The following INSR variants were observed in gnomAD, a reference collection of about 807,000 sequenced individuals.
INSR encodes IR.
In INSR, 67 loss-of-function variants were observed where a neutral mutation model predicts 142.6. The observed-to-expected ratio is 0.47, with a 90% CI of 0.39 to 0.58. The LOEUF (loss-of-function observed/expected upper bound fraction) is 0.58, where lower values mean the gene tolerates loss of function less well. Among genes scored for constraint, INSR ranks in the 20% least tolerant of loss-of-function variants. INSR has a pLI of 0.00. For synonymous variants in INSR, 756 were observed against 743.1 expected, an observed-to-expected ratio of 1.02 and a Z score of -0.28; for missense variants, 1,248 against 1,833.2, an observed-to-expected ratio of 0.68 and a Z score of 5.83.
chr19:7,155,528 C>A, intron 9 of INSR, among the ~76,000 whole-genome samples: 3 of 101,224 alleles, frequency 3.0e-5, no homozygotes, highest in Admixed American at 1.4e-4. Context: ...ACAGAGGAAG[C>A]ATTCCATCTC....
intron 15 of INSR, among the ~76,000 whole-genome samples, chr19:7,127,988 C>T (rs1295946954): frequency 5.3e-5 from 8 of 151,922 alleles, no homozygotes; most frequent in African/African-American, 1.2e-4. Flanking sequence ...ATGATCCGCC[C>T]GCCTCGGCCT....
chr19:7,163,013 C>T lies in INSR; in HGVS notation c.2029+19G>A, dbSNP rs767855672. Reference sequence around the variant, plus strand: ...CGTGTGCAAACCCCACCGATCCTAGCACAGCTGCCTGCACTCACCTTTGAG... The same window carrying T: ...CGTGTGCAAACCCCACCGATCCTAGTACAGCTGCCTGCACTCACCTTTGAG... On this transcript the variant is annotated intron_variant, in intron 9 of 21. Transcript: ENST00000302850. The T allele has an allele frequency of 3.1e-6, 5 of 1,612,686 alleles. No individual in the cohort carries two copies. In the African/African-American group the frequency reaches 5.3e-5, roughly 17 times the overall value.
At chr19:7,184,294 C>G (rs781376061) in intron 3 of INSR, 22 bp downstream of exon 3, 2 of 1,609,888 alleles carry the variant, frequency 1.2e-6, no homozygotes, top group Non-Finnish European at 1.7e-6. Context: ...GGCTGCCCCC[C>G]AGACCCACAT....
At chr19:7,247,394 C>T (rs1390870277) in intron 2 of INSR, among the ~76,000 whole-genome samples, 1 of 152,180 alleles carries the variant, frequency 6.6e-6, no homozygotes, top group Non-Finnish European at 1.5e-5. Flanking sequence ...GTCAACACAC[C>T]TACTCCTTCC....
chr19:7,255,486 C>T (rs61649769), intron 2 of INSR, among the ~76,000 whole-genome samples: 31,460 of 150,604 alleles, frequency 0.21, 3,538 homozygotes, highest in African/African-American at 0.28. Context: ...GAATACCCTT[C>T]CCTCTCACCC....
At chr19:7,196,995 A>T (rs910498284) in intron 2 of INSR, among the ~76,000 whole-genome samples, 2 of 152,100 alleles carry the variant, frequency 1.3e-5, no homozygotes, top group African/African-American at 4.8e-5. Flanking sequence ...CCCTGACCTC[A>T]GAGGTTCGAG....
chr19:7,269,030 C>CACACACACA (rs1555690124), intron 1 of INSR, among the ~76,000 whole-genome samples: 1 of 120,902 alleles, frequency 8.3e-6, no homozygotes, highest in East Asian at 3.5e-4. Context: ...GCCAACACAC[C>CACACACACA]CACACACCCA....
Position 7,170,534 on chromosome 19 carries a change from T to C in INSR, c.1483+3A>G, listed in dbSNP as rs752117390. 2 of 1,610,702 alleles carry C rather than the reference T, an allele frequency of 1.2e-6. No individual in the cohort carries two copies. ...CCAAAAAGGTTGGGGACCAGTGACT[T>C]ACAGGATGCCTGGTCCCCATTGGTC... On this transcript the variant is annotated splice_donor_region_variant and intron_variant, in intron 6 of 21. Transcript: ENST00000302850.
chr19:7,282,968 G>A (rs888676739), intron 1 of INSR, among the ~76,000 whole-genome samples: 9 of 118,338 alleles, frequency 7.6e-5, no homozygotes, highest in South Asian at 2.9e-4. Context: ...GTGAGACTCC[G>A]CCTCAAAAAA....
chr19:7,124,620 T>A (rs1286185109), intron 17 of INSR, among the ~76,000 whole-genome samples: 1 of 63,878 alleles, frequency 1.6e-5, no homozygotes, highest in African/African-American at 7.4e-5. Flanking sequence ...TATATATATA[T>A]ATATATATAT....
At chr19:7,237,516 C>CA (rs927101299) in intron 2 of INSR, among the ~76,000 whole-genome samples, 23 of 149,198 alleles carry the variant, frequency 1.5e-4, no homozygotes, top group Non-Finnish European at 2.1e-4. Flanking sequence ...GACTCTGTCT[C>CA]AAAAAAATAA....
In INSR at chr19:7,153,029, CA is replaced by C. The variant is rs1568449055; in HGVS notation, c.2030-103del. 31 of 463,012 alleles carry C rather than the reference CA, an allele frequency of 6.7e-5. 1 individual carries two copies. In the African/African-American group the frequency reaches 1.6e-3, roughly 24 times the overall value. The allele number at this position is 463,012 out of a possible 1,614,324, so 28.7% of individuals were successfully genotyped here. On this transcript the variant is annotated intron_variant, in intron 9 of 21. Transcript: ENST00000302850. ...ACACACACACCACACACACACACCA[CA>C]CACACACACACCACACACCCCCCCA...
intron 2 of INSR, among the ~76,000 whole-genome samples, chr19:7,223,144 C>G (rs539548164): frequency 7.2e-5 from 11 of 152,306 alleles, no homozygotes; most frequent in Middle Eastern, 3.4e-3. Flanking sequence ...GACTGCGCCA[C>G]TGCACTCCAG....
rs565349784 is a variant in INSR, at chr19:7,182,525, T to C, written c.974+1791A>G. 4.6e-5 allele frequency among the ~76,000 whole-genome samples: 7 copies of C among 151,978 alleles called. 1 individual carries two copies. In the South Asian group the frequency reaches 1.5e-3, roughly 32 times the overall value. ...GAGGCTCTGTCTCAAAATAAATAAATTAATTAATTAAAAGCTTCAGAAATA... is the reference window on the plus strand; with the variant it reads ...GAGGCTCTGTCTCAAAATAAATAAACTAATTAATTAAAAGCTTCAGAAATA... On this transcript the variant is annotated intron_variant, in intron 3 of 21. Coordinates refer to ENST00000302850, the MANE Select transcript of INSR (RefSeq NM_000208.4).
chr19:7,122,663 C>T lies in INSR; in HGVS notation c.3480G>A (p.Leu1160=). The part of the protein sequence containing the change: ...LNAKKFVHRD[L]AARNCMVAHD... ...GGGCGACCATGCAGTTTCTCGCTGC[C>T]AGGTCCCGATGCACAAACTTCTTGG... Residue 1160 remains leucine (L), a synonymous_variant, in exon 19 of 22, where the codon CTG becomes CTA. Transcript: ENST00000302850. 6.2e-7 allele frequency: 1 copy of T among 1,614,182 alleles called. No homozygotes were observed. Among genetic ancestry groups the T allele is most frequent in the Non-Finnish European group, 8.5e-7 (1 of 1,180,032 alleles).
intron 2 of INSR, among the ~76,000 whole-genome samples, chr19:7,265,200 T>C (rs1967683727): frequency 6.6e-6 from 1 of 152,142 alleles, no homozygotes; most frequent in South Asian, 2.1e-4. Flanking sequence ...CATGAAAACA[T>C]GATAAAACTA....
At chr19:7,155,584 G>A (rs77615425) in intron 9 of INSR, among the ~76,000 whole-genome samples, 66 of 146,026 alleles carry the variant, frequency 4.5e-4, no homozygotes, top group Non-Finnish European at 8.7e-4. Context: ...TAGCTGGAAG[G>A]GGGTGAGAGA....
chr19:7,228,608 G>T (rs1354325927), intron 2 of INSR, among the ~76,000 whole-genome samples: 2 of 152,184 alleles, frequency 1.3e-5, no homozygotes, highest in Non-Finnish European at 2.9e-5. Flanking sequence ...CAAAAGGCAA[G>T]AAGTCATCAT....
At chr19:7,163,948 A>AAAAAAAAAAAAAAAAAAAAAAAAT (rs1411048837) in intron 8 of INSR, among the ~76,000 whole-genome samples, 10 of 136,118 alleles carry the variant, frequency 7.3e-5, no homozygotes, top group African/African-American at 3.2e-4. Flanking sequence ...AAAAAAAAAA[A>AAAAAAAAAAAAAAAAAAAAAAAAT]ATTAGCTGGA....
Sources: gnomAD v4.1 joint callset for allele counts (sites outside exome capture counted in the v4.1 genomes callset) on GRCh38, gnomAD v4.1.1 for gene constraint, MANE v1.5 for transcripts, NCBI Gene and HGNC (gene_info 2026-07-23, HGNC 2026-07-21) for gene names.